Variants in SORD observed in about 807,000 individuals in gnomAD.
SORD encodes the protein (R,R)-butanediol dehydrogenase.
A neutral mutation model predicts 35.6 loss-of-function variants in SORD; 18 were observed. That is an observed-to-expected ratio of 0.51 (90% CI 0.35 to 0.75). The LOEUF is 0.75. SORD is among the 30% of genes least tolerant of loss of function. The pLI is 0.01. For synonymous variants in SORD, 106 were observed against 152.9 expected, an observed-to-expected ratio of 0.69 and a Z score of 2.26; for missense variants, 250 against 390.2, an observed-to-expected ratio of 0.64 and a Z score of 3.03.
At chr15:45,046,265 T>C (rs1387883075) in intron 3 of SORD, among the ~76,000 whole-genome samples, 1 of 152,176 alleles carries the variant, frequency 6.6e-6, no homozygotes, top group Non-Finnish European at 1.5e-5. Context: ...TTTTTCGAGA[T>C]GAAGTCTCAT....
At chr15:45,049,499 G>A (rs933311865) in intron 3 of SORD, among the ~76,000 whole-genome samples, 6 of 152,140 alleles carry the variant, frequency 3.9e-5, no homozygotes, top group Non-Finnish European at 7.3e-5. Flanking sequence ...AACAAGACAA[G>A]GGGGTAAGAA....
chr15:45,067,267 T>C (rs1245446996), intron 5 of SORD, among the ~76,000 whole-genome samples: 1 of 151,938 alleles, frequency 6.6e-6, no homozygotes, highest in African/African-American at 2.4e-5. Flanking sequence ...GAGGCTGAGG[T>C]GAGAGAATTG....
chr15:45,062,142 C>T (rs796785882), intron 4 of SORD, among the ~76,000 whole-genome samples: 11,250 of 143,180 alleles, frequency 0.079, 641 homozygotes, highest in African/African-American at 0.28. Flanking sequence ...TTGCATGCTT[C>T]AATTTATTTA....
chr15:45,023,802 A>C (rs1892627740), intron 1 of SORD, among the ~76,000 whole-genome samples: 1 of 152,196 alleles, frequency 6.6e-6, no homozygotes, highest in African/African-American at 2.4e-5. Context: ...TGGGACTGAT[A>C]AACCTCCCTT....
chr15:45,040,355 A>G, intron 1 of SORD, 53 bp from the exon 2 acceptor site: 1 of 1,001,382 alleles, frequency 1.0e-6, no homozygotes, highest in South Asian at 1.4e-5. Context: ...AAATGTTCAT[A>G]AGGTGAAGTT....
At chr15:45,063,873 A>G (rs966768227) in intron 4 of SORD, among the ~76,000 whole-genome samples, 17 of 150,850 alleles carry the variant, frequency 1.1e-4, no homozygotes, top group African/African-American at 4.1e-4. Context: ...GACCGCAGTC[A>G]GAGCAGGAGA....
chr15:45,038,534 G>A (rs541574942), intron 1 of SORD, among the ~76,000 whole-genome samples: 4 of 152,136 alleles, frequency 2.6e-5, no homozygotes, highest in East Asian at 1.9e-4. Flanking sequence ...GAAAGGGCTC[G>A]TAACTTGACA....
chr15:45,039,227 C>T (rs967348549), intron 1 of SORD, among the ~76,000 whole-genome samples: 23 of 152,002 alleles, frequency 1.5e-4, no homozygotes, highest in Admixed American at 7.2e-4. Flanking sequence ...CTCCTGGGTT[C>T]AAGCAATTCT....
chr15:45,054,438 G>A (rs2141276683), intron 3 of SORD, among the ~76,000 whole-genome samples: 1 of 152,314 alleles, frequency 6.6e-6, no homozygotes, highest in African/African-American at 2.4e-5. Context: ...CTGCATAAAT[G>A]TCTTCTTTTG....
chr15:45,027,103 T>C (rs924832554), intron 1 of SORD, among the ~76,000 whole-genome samples: 2 of 152,242 alleles, frequency 1.3e-5, no homozygotes, highest in South Asian at 4.1e-4. Context: ...GTGGTTTTCT[T>C]TTATAGTTAG....
At chr15:45,032,494 A>G (rs1892801969) in intron 1 of SORD, among the ~76,000 whole-genome samples, 1 of 151,988 alleles carries the variant, frequency 6.6e-6, no homozygotes, top group Non-Finnish European at 1.5e-5. Flanking sequence ...GTCATCCCAG[A>G]TGCCTCAATT....
chr15:45,054,901 G>T (rs1196579471), intron 3 of SORD, among the ~76,000 whole-genome samples: 1 of 151,916 alleles, frequency 6.6e-6, no homozygotes, highest in Non-Finnish European at 1.5e-5. Flanking sequence ...ATTAAATAGG[G>T]AATCCTTTCC....
chr15:45,066,516 G>A (rs1490931638), intron 5 of SORD, among the ~76,000 whole-genome samples: 2 of 152,156 alleles, frequency 1.3e-5, no homozygotes, highest in East Asian at 3.9e-4. Context: ...CTCCCGGCCA[G>A]TGGGAGGAGT....
chr15:45,057,522 C>T (rs75091260), intron 3 of SORD, among the ~76,000 whole-genome samples: 7 of 152,288 alleles, frequency 4.6e-5, no homozygotes, highest in African/African-American at 9.6e-5. Flanking sequence ...TGGTGGCTCA[C>T]GCCTGTAATC....
At chr15:45,048,222 A>G (rs897134055) in intron 3 of SORD, among the ~76,000 whole-genome samples, 11 of 152,196 alleles carry the variant, frequency 7.2e-5, no homozygotes, top group Admixed American at 5.2e-4. Flanking sequence ...ATTTTTGCCA[A>G]TAAGTAATGC....
intron 1 of SORD, among the ~76,000 whole-genome samples, chr15:45,036,767 T>C (rs1275665703): frequency 1.3e-5 from 2 of 152,036 alleles, no homozygotes; most frequent in Non-Finnish European, 2.9e-5. Context: ...TTTAATATGA[T>C]TGAGATGACA....
intron 1 of SORD, among the ~76,000 whole-genome samples, chr15:45,026,164 A>T (rs1174469557): frequency 2.0e-5 from 3 of 152,146 alleles, no homozygotes; most frequent in Admixed American, 2.0e-4. Flanking sequence ...ACAGTGCCCA[A>T]CCCAGACCCC....
intron 1 of SORD, among the ~76,000 whole-genome samples, chr15:45,037,655 C>T (rs1892890948): frequency 6.6e-6 from 1 of 152,096 alleles, no homozygotes; most frequent in Admixed American, 6.5e-5. Flanking sequence ...TTTTCAGGGA[C>T]ATGGATGAAG....
At chr15:45,057,201 G>A (rs911429371) in intron 3 of SORD, among the ~76,000 whole-genome samples, 6 of 152,158 alleles carry the variant, frequency 3.9e-5, no homozygotes, top group Admixed American at 6.5e-5. Context: ...AACTGAATTG[G>A]CTGATATTCA....
Sources: allele counts gnomAD v4.1 joint callset (sites outside exome capture counted in the v4.1 genomes callset), GRCh38; gene constraint gnomAD v4.1.1; transcripts MANE v1.5; gene names NCBI Gene and HGNC (gene_info 2026-07-23, HGNC 2026-07-21).